The following LATS2 variants were observed in gnomAD, a reference collection of about 807,000 sequenced individuals.
LATS2 encodes serine/threonine-protein kinase LATS2.
LATS2 carries 24 observed loss-of-function variants against 76.0 expected under a neutral mutation model. The observed-to-expected ratio is 0.32, with a 90% CI of 0.23 to 0.44. The LOEUF is 0.44. LATS2 is among the 20% of genes least tolerant of loss of function. LATS2 has a pLI of 1.00. For synonymous variants in LATS2, 692 were observed against 635.4 expected (o/e 1.09, Z -1.34); for missense variants, 1,286 against 1,481.2 (o/e 0.87, Z 2.16).
chr13:21,030,839 G>A (rs572881454), intron 2 of LATS2, among the ~76,000 whole-genome samples: 2 of 151,986 alleles, frequency 1.3e-5, no homozygotes, highest in Non-Finnish European at 2.9e-5. Context: ...ATTCCTTCCT[G>A]TATATCCTTT....
chr13:20,983,100 A>G (rs1471295003), intron 5 of LATS2, 124 bp downstream of exon 5: 1 of 634,774 alleles, frequency 1.6e-6, no homozygotes, highest in Admixed American at 2.9e-5. Flanking sequence ...TTTATAAAAT[A>G]ATGGAGTGAC....
At chr13:20,980,638 G>C (rs1446093739) in intron 6 of LATS2, among the ~76,000 whole-genome samples, 2 of 152,176 alleles carry the variant, frequency 1.3e-5, no homozygotes, top group Non-Finnish European at 2.9e-5. Flanking sequence ...GCTGCACGTG[G>C]TAGAGGGAAG....
chr13:20,994,140 T>C (rs996161343), intron 2 of LATS2, among the ~76,000 whole-genome samples: 1 of 152,158 alleles, frequency 6.6e-6, no homozygotes, highest in Non-Finnish European at 1.5e-5. Flanking sequence ...GTGCATCAAA[T>C]CTAGGAACTC....
chr13:21,060,524 C>G (rs1325196834), intron 1 of LATS2, among the ~76,000 whole-genome samples: 2 of 152,128 alleles, frequency 1.3e-5, no homozygotes, highest in Admixed American at 1.3e-4. Flanking sequence ...GGCCGGGAGA[C>G]GCCGAGCAGG....
At chr13:21,001,495 C>T (rs1223636334) in intron 2 of LATS2, among the ~76,000 whole-genome samples, 3 of 152,196 alleles carry the variant, frequency 2.0e-5, no homozygotes, top group Non-Finnish European at 4.4e-5. Flanking sequence ...CAGTTCTGAG[C>T]CTCACCCTCA....
intron 2 of LATS2, among the ~76,000 whole-genome samples, chr13:21,033,795 C>A (rs1341161309): frequency 6.6e-6 from 1 of 151,472 alleles, no homozygotes; most frequent in African/African-American, 2.4e-5. Flanking sequence ...TACTTCTTGG[C>A]TGGAGAAATT....
intron 1 of LATS2, among the ~76,000 whole-genome samples, chr13:21,050,139 G>GAT (rs1873219270): frequency 6.4e-5 from 1 of 15,524 alleles, no homozygotes; most frequent in Non-Finnish European, 3.7e-4. Flanking sequence ...TAGATAGATA[G>GAT]ATAGATAGAT....
rs1227014940 is a variant in LATS2 at position 20,988,834 on chromosome 13, G to C, written c.946C>G (p.Pro316Ala). 3 of 1,596,338 alleles carry C rather than the reference G, an allele frequency of 1.9e-6. No homozygotes were observed. The highest frequency in any genetic ancestry group is 1.7e-5 in the Admixed American group (1 of 59,452). The change falls in exon 4 of 8, where the codon CCA becomes GCA. Residue 316 changes from proline (P) to alanine (A), a missense_variant. This residue lies in a region of LATS2 where 710 missense variants were observed against 660.9 expected (regional missense o/e 1.07). Coordinates refer to ENST00000382592, the MANE Select transcript of LATS2 (RefSeq NM_014572.3). ...GCGGGACCGGCCTGCTTGTGGTGTG[G>C]GTGCGGCACGTAGAGCCCGGCGGCA... ...PPAAGLYVPHPHHKQAGPAAH... is the reference protein window; with the variant it reads ...PPAAGLYVPHAHHKQAGPAAH...
At chr13:21,009,724 A>C (rs1871506815) in intron 2 of LATS2, among the ~76,000 whole-genome samples, 1 of 152,240 alleles carries the variant, frequency 6.6e-6, no homozygotes, top group Non-Finnish European at 1.5e-5. Flanking sequence ...CTACCTCCAC[A>C]TAACAGACGA....
intron 1 of LATS2, among the ~76,000 whole-genome samples, chr13:21,048,026 T>C (rs1292256308): frequency 6.6e-6 from 1 of 152,182 alleles, no homozygotes; most frequent in Admixed American, 6.5e-5. Flanking sequence ...GTGCAGACAT[T>C]GAGCTATTAG....
At chr13:21,021,474 C>CAAAAAAAAAAAA (rs58976562) in intron 2 of LATS2, among the ~76,000 whole-genome samples, 3 of 48,378 alleles carry the variant, frequency 6.2e-5, no homozygotes, top group African/African-American at 1.4e-4. Flanking sequence ...GACTCTGTCT[C>CAAAAAAAAAAAA]AAAAAAAAAA....
chr13:21,018,391 T>G (rs1053589368), intron 2 of LATS2, among the ~76,000 whole-genome samples: 2 of 149,868 alleles, frequency 1.3e-5, no homozygotes, highest in African/African-American at 5.0e-5. Flanking sequence ...GAGACAAGGG[T>G]TGACATGGAA....
rs994979881 is a variant in LATS2 at position 21,045,800 on chromosome 13, G to A, written c.227C>T (p.Ala76Val). The A allele has an allele frequency of 2.5e-6, 4 of 1,614,062 alleles. No individual in the cohort carries two copies. The African/African-American group carries it at 4.0e-5, about 16-fold the overall frequency. ...ATPKFGPYQK[A>V]LREIRYSLLP... ...CAAGGAATATCTGATTTCCCTCAAG[G>A]CTTTCTGATAAGGTCCGAACTTTGG... The change falls in exon 2 of 8, where the codon GCC becomes GTC. Residue 76 changes from alanine to valine, a missense_variant. By Grantham distance (64) the Ala-to-Val change is moderately conservative. This residue lies in a region of LATS2 where 101 missense variants were observed against 141.4 expected (regional missense o/e 0.71). Coordinates refer to ENST00000382592, the MANE Select transcript of LATS2 (RefSeq NM_014572.3).
At chr13:21,004,348 C>A (rs991394420) in intron 2 of LATS2, among the ~76,000 whole-genome samples, 3 of 151,184 alleles carry the variant, frequency 2.0e-5, no homozygotes, top group African/African-American at 7.3e-5. Context: ...GCAAGAGAAC[C>A]GCTTGAACCC....
intron 1 of LATS2, among the ~76,000 whole-genome samples, chr13:21,059,383 G>A (rs1391405540): frequency 6.7e-6 from 1 of 150,092 alleles, no homozygotes; most frequent in East Asian, 2.0e-4. Context: ...GGATCACAAG[G>A]TCAGGAGATT....
At chr13:21,038,081 G>A (rs1352488611) in intron 2 of LATS2, among the ~76,000 whole-genome samples, 1 of 152,148 alleles carries the variant, frequency 6.6e-6, no homozygotes, top group East Asian at 1.9e-4. Context: ...ACTCCAGTCT[G>A]GGTGACAAAG....
chr13:20,978,591 A>C (rs1316985868), intron 7 of LATS2, among the ~76,000 whole-genome samples: 1 of 152,106 alleles, frequency 6.6e-6, no homozygotes, highest in African/African-American at 2.4e-5. Flanking sequence ...CCCTTGAACA[A>C]CACAGTTTGA....
chr13:21,035,052 A>G (rs2084678010), intron 2 of LATS2, among the ~76,000 whole-genome samples: 1 of 152,218 alleles, frequency 6.6e-6, no homozygotes, highest in Non-Finnish European at 1.5e-5. Context: ...GAAACATAGC[A>G]AGACTCCATC....
At chr13:21,016,072 C>G (rs1356806194) in intron 2 of LATS2, among the ~76,000 whole-genome samples, 2 of 151,838 alleles carry the variant, frequency 1.3e-5, no homozygotes, top group African/African-American at 4.8e-5. Context: ...TCACTGCAAC[C>G]TCCGCCTCCT....
Sources: allele counts gnomAD v4.1 joint callset (sites outside exome capture counted in the v4.1 genomes callset), GRCh38; gene constraint gnomAD v4.1.1; regional missense constraint gnomAD v4.1.1; transcripts MANE v1.5; gene names NCBI Gene and HGNC (gene_info 2026-07-23, HGNC 2026-07-21).